Variants in NRG3 observed in about 807,000 individuals in gnomAD.
NRG3 encodes the protein pro-neuregulin-3, membrane-bound isoform.
In NRG3, 31 loss-of-function variants were observed where a neutral mutation model predicts 66.9. The observed-to-expected ratio is 0.46, with a 90% CI of 0.35 to 0.63. NRG3 has a LOEUF of 0.63. NRG3 is among the 20% of genes least tolerant of loss of function. The probability of loss-of-function intolerance (pLI) is 0.00; values close to 1 mark genes in which losing one functional copy is unlikely to be tolerated. For missense variants in NRG3, 910 were observed against 878.9 expected (o/e 1.04, Z -0.45); for synonymous variants, 393 against 359.4 (o/e 1.09, Z -1.06).
chr10:81,884,028 C>T (rs1276121916), intron 1 of NRG3, among the ~76,000 whole-genome samples: 1 of 152,140 alleles, frequency 6.6e-6, no homozygotes, highest in African/African-American at 2.4e-5. Context: ...CATATCTAGG[C>T]CTGCAGCCTA....
At chr10:82,902,260 G>A (rs1844296892) in intron 4 of NRG3, among the ~76,000 whole-genome samples, 1 of 152,078 alleles carries the variant, frequency 6.6e-6, no homozygotes, top group African/African-American at 2.4e-5. Flanking sequence ...CTCCAAAGAG[G>A]GAATGTTTGA....
intron 2 of NRG3, among the ~76,000 whole-genome samples, chr10:82,669,248 G>GTAATAATAA (rs5786560): frequency 3.5e-5 from 5 of 143,028 alleles, no homozygotes; most frequent in Admixed American, 2.1e-4. Flanking sequence ...ATTTATGATG[G>GTAATAATAA]TAATAATAAT....
At chr10:82,300,324 G>T (rs2080321465) in intron 1 of NRG3, among the ~76,000 whole-genome samples, 3 of 152,132 alleles carry the variant, frequency 2.0e-5, no homozygotes, top group African/African-American at 7.2e-5. Flanking sequence ...AAGCTAAAGT[G>T]ATTAATAGAT....
intron 1 of NRG3, among the ~76,000 whole-genome samples, chr10:82,334,257 A>T (rs533735988): frequency 6.1e-4 from 93 of 152,294 alleles, no homozygotes; most frequent in African/African-American, 2.0e-3. Flanking sequence ...CAATATGGAC[A>T]TTCTCAATGG....
At chr10:82,215,568 A>AT (rs1341139420) in intron 1 of NRG3, among the ~76,000 whole-genome samples, 1 of 152,126 alleles carries the variant, frequency 6.6e-6, no homozygotes, top group African/African-American at 2.4e-5. Flanking sequence ...TTCTGTTACT[A>AT]TTTTTCAAGA....
chr10:82,714,159 T>C (rs909638517), intron 2 of NRG3, among the ~76,000 whole-genome samples: 2 of 152,256 alleles, frequency 1.3e-5, no homozygotes, highest in African/African-American at 2.4e-5. Flanking sequence ...TGTTTTGACA[T>C]ATACATGCAA....
At chr10:82,271,392 G>A (rs1185932526) in intron 1 of NRG3, among the ~76,000 whole-genome samples, 3 of 151,952 alleles carry the variant, frequency 2.0e-5, no homozygotes, top group South Asian at 2.1e-4. Context: ...CTATCAGGGC[G>A]ATTGCAAAAA....
At chr10:82,277,728 A>G (rs1196490229) in intron 1 of NRG3, among the ~76,000 whole-genome samples, 1 of 152,054 alleles carries the variant, frequency 6.6e-6, no homozygotes, top group South Asian at 2.1e-4. Context: ...GGAAGCTCTC[A>G]GTATTCTGTC....
chr10:82,887,289 T>A (rs1303128102), intron 4 of NRG3, among the ~76,000 whole-genome samples: 1 of 152,202 alleles, frequency 6.6e-6, no homozygotes, highest in African/African-American at 2.4e-5. Flanking sequence ...AAGCATCAGC[T>A]CCGATTACGC....
intron 1 of NRG3, among the ~76,000 whole-genome samples, chr10:81,976,721 CT>C (rs1421437685): frequency 2.0e-5 from 3 of 152,166 alleles, no homozygotes; most frequent in African/African-American, 4.8e-5. Flanking sequence ...AGCAAGATAT[CT>C]TTTTGGTATG....
At chr10:81,964,896 G>C (rs755949670) in intron 1 of NRG3, among the ~76,000 whole-genome samples, 1 of 151,856 alleles carries the variant, frequency 6.6e-6, no homozygotes, top group African/African-American at 2.4e-5. Flanking sequence ...ACTATGTTTT[G>C]TTCATTTTAT....
At chr10:82,923,363 T>C (rs973340311) in intron 4 of NRG3, among the ~76,000 whole-genome samples, 3 of 152,182 alleles carry the variant, frequency 2.0e-5, no homozygotes, top group Non-Finnish European at 2.9e-5. Flanking sequence ...CTCTTACAAA[T>C]ATCTTTCCCT....
chr10:82,037,333 G>T (rs557207490), intron 1 of NRG3, among the ~76,000 whole-genome samples: 22 of 152,232 alleles, frequency 1.4e-4, no homozygotes, highest in South Asian at 6.2e-4. Context: ...CTCCATCAGG[G>T]CAGAATGTGG....
At chr10:82,293,258 T>G (rs2079850019) in intron 1 of NRG3, among the ~76,000 whole-genome samples, 2 of 152,166 alleles carry the variant, frequency 1.3e-5, no homozygotes, top group Admixed American at 6.5e-5. Flanking sequence ...TATAAATACT[T>G]GGCAGACACT....
At chr10:82,052,027 T>A (rs555163944) in intron 1 of NRG3, among the ~76,000 whole-genome samples, 2 of 118,554 alleles carry the variant, frequency 1.7e-5, no homozygotes, top group Admixed American at 1.0e-4. Context: ...ACATACCGCA[T>A]TAGATTTTTT....
At chr10:82,711,883 G>A (rs895541374) in intron 2 of NRG3, among the ~76,000 whole-genome samples, 2 of 152,050 alleles carry the variant, frequency 1.3e-5, no homozygotes, top group African/African-American at 4.8e-5. Context: ...ACTTGTTTTT[G>A]GATCACACAC....
At chr10:81,915,753 C>T (rs965508408) in intron 1 of NRG3, among the ~76,000 whole-genome samples, 1 of 152,028 alleles carries the variant, frequency 6.6e-6, no homozygotes, top group African/African-American at 2.4e-5. Context: ...GATGAGAATG[C>T]AGGTTTATTC....
intron 1 of NRG3, among the ~76,000 whole-genome samples, chr10:82,101,750 G>T (rs1367161421): frequency 2.0e-5 from 3 of 150,006 alleles, no homozygotes; most frequent in African/African-American, 7.3e-5. Context: ...AGCAAGGAAA[G>T]GGTCTATCTT....
At position 82,199,603 on chromosome 10, in the gene NRG3, C is replaced by T. The variant is rs560984008; in HGVS notation, c.824-159136C>T. ...ATAGTTTTAGGCAGTTTATGTAAAA[C>T]GTTGATTTTCTCATCCATTTGCACT... is the stretch of plus-strand genomic sequence containing the variant. On this transcript the variant is annotated intron_variant, in intron 1 of 8. Transcript: ENST00000372141. Among the ~76,000 whole-genome samples the T allele has an allele frequency of 1.1e-3, 174 of 152,068 alleles. 3 individuals carry two copies. The highest frequency in any genetic ancestry group is 3.8e-3 in the African/African-American group (157 of 41,462).
Sources: gnomAD v4.1 joint callset for allele counts (sites outside exome capture counted in the v4.1 genomes callset) on GRCh38, gnomAD v4.1.1 for gene constraint, MANE v1.5 for transcripts, NCBI Gene and HGNC (gene_info 2026-07-23, HGNC 2026-07-21) for gene names.